The following AAK1 variants were observed in gnomAD, a reference collection of about 807,000 sequenced individuals.
AAK1 encodes the protein AP2 associated kinase 1.
AAK1 carries 37 observed loss-of-function variants against 116.0 expected under a neutral mutation model. That is an observed-to-expected ratio of 0.32 (90% CI 0.25 to 0.42). The LOEUF is 0.42. Ranked by LOEUF, AAK1 falls within the 10% of genes least tolerant of loss-of-function variation. The pLI is 1.00. For missense variants in AAK1, 919 were observed against 1,170.6 expected, an observed-to-expected ratio of 0.79 and a Z score of 3.14; for synonymous variants, 458 against 439.9, an observed-to-expected ratio of 1.04 and a Z score of -0.51.
At chr2:69,602,675 G>C (rs1039672871) in intron 2 of AAK1, among the ~76,000 whole-genome samples, 2 of 152,178 alleles carry the variant, frequency 1.3e-5, no homozygotes, top group African/African-American at 4.8e-5. Flanking sequence ...TGACCACAGA[G>C]ACTCAGGGTT....
At chr2:69,599,756 A>G (rs1482957617) in intron 2 of AAK1, among the ~76,000 whole-genome samples, 4 of 152,030 alleles carry the variant, frequency 2.6e-5, no homozygotes, top group Non-Finnish European at 5.9e-5. Flanking sequence ...TTTTAAAAAT[A>G]CAGTCTGCAA....
chr2:69,537,886 T>TC (rs748723502), intron 5 of AAK1, among the ~76,000 whole-genome samples: 6 of 152,148 alleles, frequency 3.9e-5, no homozygotes, highest in Non-Finnish European at 8.8e-5. Flanking sequence ...TCTGCAACAA[T>TC]CACAATCCAG....
chr2:69,470,742 C>A lies in AAK1; in HGVS notation c.*5127G>T. On this transcript the variant is annotated 3_prime_UTR_variant, in exon 22 of 22. Coordinates refer to ENST00000409085, the MANE Select transcript of AAK1 (RefSeq NM_014911.5). ...CCTTGAGACTAAAACAGGGGTTTTA[C>A]TCTCTCAGGTAGCCATGATTCATTA... 8 of 985,650 alleles carry A rather than the reference C, an allele frequency of 8.1e-6. No homozygotes were observed. Among genetic ancestry groups the A allele is most frequent in the Non-Finnish European group, 9.6e-6 (8 of 829,922 alleles). The allele number at this position is 985,650 out of a possible 1,614,324, so 61.1% of individuals were successfully genotyped here. A position where few individuals can be genotyped will look rare whatever the true frequency, so the allele number is the denominator to read the frequency against.
At position 69,461,499 on chromosome 2, in the gene AAK1, CAAA is replaced by C. The variant is rs571167118; in HGVS notation, c.*14367_*14369del. On this transcript the variant is annotated 3_prime_UTR_variant, in exon 22 of 22. Transcript: ENST00000409085. Reference sequence around the variant, plus strand: ...AAGTCAAAGTTTTTTCATGCATCACCAAAAAAAAAAAAAAAAGTAATTTGCATG... The same window carrying C: ...AAGTCAAAGTTTTTTCATGCATCACCAAAAAAAAAAAAAGTAATTTGCATG... The C allele has an allele frequency of 7.2e-3, 1,138 of 157,446 alleles. No individual in the cohort carries two copies. The highest frequency in any genetic ancestry group is 0.018 in the South Asian group (321 of 17,462). 9.8% of individuals were successfully genotyped at this position (157,446 alleles called of 1,614,324 possible).
chr2:69,517,506 G>A (rs1403191637), intron 12 of AAK1, among the ~76,000 whole-genome samples: 1 of 126,640 alleles, frequency 7.9e-6, no homozygotes, highest in Non-Finnish European at 1.9e-5. Flanking sequence ...GCAGTCTTCA[G>A]GGAAATCTGA....
At chr2:69,598,527 T>C in intron 2 of AAK1, 1 of 153,958 alleles carries the variant, frequency 6.5e-6, no homozygotes, top group Non-Finnish European at 1.5e-5. Flanking sequence ...TTTTTTTTTT[T>C]CTTTTTTTTG....
rs55946111 is a variant in AAK1, at chr2:69,544,549, G to C, written c.283-5C>G. The C allele has an allele frequency of 7.8e-5, 125 of 1,595,038 alleles. No individual in the cohort carries two copies. The highest frequency in any genetic ancestry group is 1.1e-4 in the Non-Finnish European group (124 of 1,162,914). ...CTTGTGCCCTGAAAGATCCCTCTGT[G>C]AACAAGAGAGGAGAAATATATTGTT... On this transcript the variant is annotated splice_region_variant and splice_polypyrimidine_tract_variant and intron_variant, in intron 3 of 21. Transcript: ENST00000409085.
In AAK1 at chr2:69,466,290, T is replaced by C. The variant is rs1283718558; in HGVS notation, c.*9579A>G. Reference sequence around the variant, plus strand: ...GGGTCTGCAGCTCTCATCTTCTTCTTCAGACTCCATAAGGAGAGGCCGAGA... The same window carrying C: ...GGGTCTGCAGCTCTCATCTTCTTCTCCAGACTCCATAAGGAGAGGCCGAGA... On this transcript the variant is annotated 3_prime_UTR_variant, in exon 22 of 22. Transcript: ENST00000409085. The C allele has an allele frequency of 1.2e-5, 15 of 1,289,602 alleles. No homozygotes were observed. The highest frequency in any genetic ancestry group is 3.0e-5 in the African/African-American group (2 of 65,834). 79.9% of individuals were successfully genotyped at this position (1,289,602 alleles called of 1,614,324 possible). A position where few individuals can be genotyped will look rare whatever the true frequency, so the allele number is the denominator to read the frequency against.
chr2:69,617,368 C>T (rs1674380955), intron 2 of AAK1, among the ~76,000 whole-genome samples: 1 of 152,216 alleles, frequency 6.6e-6, no homozygotes, highest in Non-Finnish European at 1.5e-5. Context: ...ATTCTAATCC[C>T]AATTGAACCT....
chr2:69,471,563 G>A lies in AAK1; in HGVS notation c.*4306C>T, dbSNP rs1180501786. 2.2e-5 allele frequency: 22 copies of A among 985,200 alleles called. No individual in the cohort carries two copies. Among genetic ancestry groups the A allele is most frequent in the Non-Finnish European group, 2.5e-5 (21 of 829,918 alleles). 61.0% of individuals were successfully genotyped at this position (985,200 alleles called of 1,614,324 possible). A position where few individuals can be genotyped will look rare whatever the true frequency, so the allele number is the denominator to read the frequency against. On this transcript the variant is annotated 3_prime_UTR_variant, in exon 22 of 22. Coordinates refer to ENST00000409085, the MANE Select transcript of AAK1 (RefSeq NM_014911.5). Reference sequence around the variant, plus strand: ...AGGCAGCCTCTAATTTGCTTAACCCGGCACACTGGGCAATCCTGTCATTTT... The same window carrying A: ...AGGCAGCCTCTAATTTGCTTAACCCAGCACACTGGGCAATCCTGTCATTTT...
In AAK1 at chr2:69,642,986, C is replaced by T. The variant is rs770182881; in HGVS notation, c.55G>A (p.Gly19Ser). Reference protein sequence around the residue: ...REQGGSGLGSGSSGGGGSTSG... With the variant: ...REQGGSGLGSSSSGGGGSTSG... ...GTGCTGCCCCCTCCTCCGCTGGAGC[C>T]GGAGCCCAGGCCAGAGCCGCCCTGC... Residue 19 changes from glycine to serine, a missense_variant, in exon 2 of 22, where the codon GGC becomes AGC. Physicochemically the swap from Gly to Ser is moderately conservative, Grantham distance 56 (BLOSUM62 0). Coordinates refer to ENST00000409085, the MANE Select transcript of AAK1 (RefSeq NM_014911.5). 3.1e-6 allele frequency: 5 copies of T among 1,612,254 alleles called. No homozygotes were observed. Among genetic ancestry groups the T allele is most frequent in the Middle Eastern group, 1.6e-4 (1 of 6,062 alleles).
chr2:69,502,890 T>A (rs1293578767), intron 16 of AAK1, among the ~76,000 whole-genome samples: 3 of 152,244 alleles, frequency 2.0e-5, no homozygotes, highest in African/African-American at 7.2e-5. Context: ...AGAATATTTA[T>A]ATGGTGAAAA....
At chr2:69,486,621 A>C (rs541709171) in intron 17 of AAK1, among the ~76,000 whole-genome samples, 1 of 152,306 alleles carries the variant, frequency 6.6e-6, no homozygotes, top group African/African-American at 2.4e-5. Context: ...CCAGTGACTC[A>C]GTTGGCCTCC....
chr2:69,533,483 A>G (rs947868969), intron 5 of AAK1, among the ~76,000 whole-genome samples: 2 of 152,220 alleles, frequency 1.3e-5, no homozygotes, highest in African/African-American at 4.8e-5. Context: ...TTCTTCTAAG[A>G]ATTACATTAA....
At chr2:69,576,324 G>A (rs1439222216) in intron 2 of AAK1, among the ~76,000 whole-genome samples, 1 of 151,722 alleles carries the variant, frequency 6.6e-6, no homozygotes, top group Non-Finnish European at 1.5e-5. Flanking sequence ...TAACAATTAT[G>A]CTTGAGGTTT....
At position 69,514,503 on chromosome 2, in the gene AAK1, C is replaced by T. The variant is rs572241504; in HGVS notation, c.1744G>A (p.Ala582Thr). 5 of 1,549,766 alleles carry T rather than the reference C, an allele frequency of 3.2e-6. No individual in the cohort carries two copies. The African/African-American group carries it at 5.5e-5, about 17-fold the overall frequency. The change falls in exon 13 of 22, where the codon GCC becomes ACC. Residue 582 changes from alanine (A) to threonine (T), a missense_variant. By Grantham distance (58) the Ala-to-Thr change is moderately conservative. Around this residue, in one of 4 missense-constraint regions of AAK1, gnomAD observed 125 missense variants for 184.1 expected, o/e 0.68. Transcript: ENST00000409085. ...GQQPQPQPAA[A>T]PQPAPAQEPA... ...TCCTGGGCAGGGGCTGGCTGTGGGG[C>T]TGCAGCTGGCTGTGGCTGGGGCTGC... is the stretch of plus-strand genomic sequence containing the variant.
chr2:69,474,556 A>T lies in AAK1; in HGVS notation c.*1313T>A. 1 of 985,360 alleles carries T rather than the reference A, an allele frequency of 1.0e-6. No homozygotes were observed. The highest frequency in any genetic ancestry group is 1.2e-6 in the Non-Finnish European group (1 of 829,896). 61.0% of individuals were successfully genotyped at this position (985,360 alleles called of 1,614,324 possible). A position where few individuals can be genotyped will look rare whatever the true frequency, so the allele number is the denominator to read the frequency against. Reference sequence around the variant, plus strand: ...TTTATTATTTTTTTTTAATCTAGGAAGCCAAGGAAAACCAGCTGAACATAT... The same window carrying T: ...TTTATTATTTTTTTTTAATCTAGGATGCCAAGGAAAACCAGCTGAACATAT... On this transcript the variant is annotated 3_prime_UTR_variant, in exon 22 of 22. Transcript: ENST00000409085.
chr2:69,589,708 C>CAAAAAAA (rs762986666), intron 2 of AAK1, among the ~76,000 whole-genome samples: 1 of 58,672 alleles, frequency 1.7e-5, no homozygotes, highest in African/African-American at 5.3e-5. Flanking sequence ...AACTCTGTCT[C>CAAAAAAA]AAAAAAAAAA....
chr2:69,597,233 C>G (rs1272558844), intron 2 of AAK1: 1 of 152,038 alleles, frequency 6.6e-6, no homozygotes, highest in Non-Finnish European at 1.5e-5. Flanking sequence ...AAACTACATA[C>G]AGCTAAATGT....
Sources: allele counts gnomAD v4.1 joint callset (sites outside exome capture counted in the v4.1 genomes callset), GRCh38; gene constraint gnomAD v4.1.1; regional missense constraint gnomAD v4.1.1; transcripts MANE v1.5; gene names NCBI Gene and HGNC (gene_info 2026-07-23, HGNC 2026-07-21).